The following SLC25A33 variants were observed in gnomAD, a reference collection of about 807,000 sequenced individuals.
SLC25A33 encodes solute carrier family 25 member 33, also known as bone marrow stromal cell mitochondrial carrier protein.
Under a neutral mutation model 35.5 loss-of-function variants are expected in SLC25A33, and 15 were observed. The observed-to-expected ratio is 0.42, with a 90% CI of 0.28 to 0.65. The LOEUF (loss-of-function observed/expected upper bound fraction) is 0.65, where lower values mean the gene tolerates loss of function less well. Ranked by LOEUF, SLC25A33 falls within the 30% of genes least tolerant of loss-of-function variation. The pLI is 0.20. For synonymous variants in SLC25A33, 136 were observed against 148.7 expected, an observed-to-expected ratio of 0.91 and a Z score of 0.62; for missense variants, 257 against 398.5, an observed-to-expected ratio of 0.64 and a Z score of 3.02.
chr1:9,563,000 G>A (rs939596141), intron 2 of SLC25A33, among the ~76,000 whole-genome samples: 1 of 146,180 alleles, frequency 6.8e-6, no homozygotes, highest in African/African-American at 2.5e-5. Flanking sequence ...CTCACTGCAA[G>A]CTCCACCTCC....
chr1:9,560,950 C>CTT (rs1236263182), intron 2 of SLC25A33, among the ~76,000 whole-genome samples: 45 of 135,798 alleles, frequency 3.3e-4, no homozygotes, highest in African/African-American at 9.8e-4. Context: ...GAGACACATT[C>CTT]TTTTTTTTTT....
At chr1:9,575,841 C>T (rs190843958) in intron 5 of SLC25A33, among the ~76,000 whole-genome samples, 5 of 152,270 alleles carry the variant, frequency 3.3e-5, no homozygotes, top group Admixed American at 3.3e-4. Flanking sequence ...GAATCTGTTC[C>T]TCTCAGGGTA....
intron 4 of SLC25A33, among the ~76,000 whole-genome samples, 170 bp downstream of exon 4, chr1:9,570,528 C>T (rs559463461): frequency 4.6e-5 from 7 of 152,144 alleles, no homozygotes; most frequent in African/African-American, 1.7e-4. Context: ...CGGTTTGTAG[C>T]TTGATTTTAT....
chr1:9,564,722 A>AT (rs1175348441), intron 2 of SLC25A33, among the ~76,000 whole-genome samples: 7 of 96,586 alleles, frequency 7.2e-5, no homozygotes, highest in South Asian at 3.8e-4. Context: ...CCTCGTCTCT[A>AT]TTTAAAAAAA....
intron 4 of SLC25A33, among the ~76,000 whole-genome samples, chr1:9,572,978 C>G (rs1197100132): frequency 6.6e-6 from 1 of 151,768 alleles, no homozygotes; most frequent in African/African-American, 2.4e-5. Flanking sequence ...ACCAAATAAG[C>G]AGATCAGTCT....
Position 9,559,322 on chromosome 1 carries a change from C to T in SLC25A33, c.236+5517C>T, listed in dbSNP as rs58670998. 0.035 allele frequency among the ~76,000 whole-genome samples: 5,287 copies of T among 152,146 alleles called. 696 individuals are homozygous for T. The East Asian group carries it at 0.47, about 13-fold the overall frequency. On this transcript the variant is annotated intron_variant, in intron 2 of 6. Transcript: ENST00000302692. ...TTCTTTTAATTACTGAAATCGTCCCCAAGCATCGAGAATGTTGCCTGTCAC... is the reference window on the plus strand; with the variant it reads ...TTCTTTTAATTACTGAAATCGTCCCTAAGCATCGAGAATGTTGCCTGTCAC...
chr1:9,541,505 C>A (rs1643081373), intron 1 of SLC25A33, among the ~76,000 whole-genome samples: 1 of 151,990 alleles, frequency 6.6e-6, no homozygotes, highest in African/African-American at 2.4e-5. Flanking sequence ...CCATGTTGGC[C>A]AGGCTGGCAC....
intron 3 of SLC25A33, among the ~76,000 whole-genome samples, chr1:9,567,734 C>T (rs1263170679): frequency 1.3e-5 from 2 of 152,216 alleles, no homozygotes; most frequent in Non-Finnish European, 2.9e-5. Context: ...TGCATTTTAA[C>T]AGAACCCCCA....
chr1:9,553,582 G>A, intron 1 of SLC25A33, 44 bp from the exon 2 acceptor site: 2 of 1,600,806 alleles, frequency 1.2e-6, no homozygotes, highest in East Asian at 2.2e-5. Flanking sequence ...CCATTGTGTA[G>A]GGAATAGTAT....
chr1:9,542,020 C>T (rs371724238), intron 1 of SLC25A33, among the ~76,000 whole-genome samples: 1 of 152,222 alleles, frequency 6.6e-6, no homozygotes, highest in South Asian at 2.1e-4. Flanking sequence ...AGGATGGTCT[C>T]GATCTCCTGA....
At chr1:9,543,441 G>C (rs969181246) in intron 1 of SLC25A33, among the ~76,000 whole-genome samples, 1 of 152,220 alleles carries the variant, frequency 6.6e-6, no homozygotes, top group African/African-American at 2.4e-5. Flanking sequence ...ACTGGGCCCA[G>C]TCCTGTCATT....
intron 5 of SLC25A33, among the ~76,000 whole-genome samples, chr1:9,574,142 T>C (rs1643629271): frequency 6.6e-6 from 1 of 151,670 alleles, no homozygotes; most frequent in African/African-American, 2.4e-5. Flanking sequence ...TTTGTTCTTT[T>C]GAGGCAGGGC....
chr1:9,562,316 C>T (rs1036953689), intron 2 of SLC25A33, among the ~76,000 whole-genome samples: 1 of 149,180 alleles, frequency 6.7e-6, no homozygotes, highest in Non-Finnish European at 1.5e-5. Flanking sequence ...CCACTGCACT[C>T]CAGCCTGGCT....
chr1:9,580,864 A>AT (rs1557539025), intron 6 of SLC25A33, among the ~76,000 whole-genome samples: 4,037 of 129,190 alleles, frequency 0.031, 70 homozygotes, highest in African/African-American at 0.043. Flanking sequence ...CAAAAAAAAA[A>AT]AAATAATAAT....
intron 2 of SLC25A33, among the ~76,000 whole-genome samples, chr1:9,555,882 A>G (rs1198284451): frequency 6.6e-6 from 1 of 152,140 alleles, no homozygotes; most frequent in Non-Finnish European, 1.5e-5. Flanking sequence ...ACAGAGTTTT[A>G]CCATGTTGGC....
At position 9,583,580 on chromosome 1, in the gene SLC25A33, C is replaced by A. The variant is rs757522199; in HGVS notation, c.*1079C>A. 6.6e-6 allele frequency: 1 copy of A among 152,146 alleles called. No homozygotes were observed. Among genetic ancestry groups the A allele is most frequent in the Non-Finnish European group, 1.5e-5 (1 of 68,048 alleles). 9.4% of individuals were successfully genotyped at this position (152,146 alleles called of 1,614,324 possible). The stretch of plus-strand genomic sequence containing the variant: ...CAGAATGTGATGAAGAACAGTCATT[C>A]CCACTGAGGTCTTTAGCCCTGTTCT... On this transcript the variant is annotated 3_prime_UTR_variant, in exon 7 of 7. Coordinates refer to ENST00000302692, the MANE Select transcript of SLC25A33 (RefSeq NM_032315.3).
intron 1 of SLC25A33, among the ~76,000 whole-genome samples, chr1:9,540,431 T>TG (rs1643061868): frequency 6.6e-6 from 1 of 152,162 alleles, no homozygotes; most frequent in Admixed American, 6.6e-5. Context: ...ATTAGGTCTA[T>TG]GGTCAGGCAC....
chr1:9,551,288 G>A (rs1643263532), intron 1 of SLC25A33, among the ~76,000 whole-genome samples: 2 of 152,098 alleles, frequency 1.3e-5, no homozygotes, highest in Non-Finnish European at 2.9e-5. Context: ...CATGACAATT[G>A]CTTGAATCCA....
chr1:9,560,635 A>T (rs1262459461), intron 2 of SLC25A33, among the ~76,000 whole-genome samples: 1 of 152,228 alleles, frequency 6.6e-6, no homozygotes, highest in Non-Finnish European at 1.5e-5. Context: ...CTTGTCAGAG[A>T]ACAGAATTTG....
Sources: allele counts gnomAD v4.1 joint callset (sites outside exome capture counted in the v4.1 genomes callset), GRCh38; gene constraint gnomAD v4.1.1; transcripts MANE v1.5; gene names NCBI Gene and HGNC (gene_info 2026-07-23, HGNC 2026-07-21).